The following SRCIN1 variants were observed in gnomAD, a reference collection of about 807,000 sequenced individuals.
The protein encoded by SRCIN1 is P130Cas-associated protein.
SRCIN1 carries 50 observed loss-of-function variants against 116.2 expected under a neutral mutation model. The ratio of observed to expected loss-of-function variants is 0.43; its 90% confidence interval spans 0.34 to 0.54. The LOEUF (loss-of-function observed/expected upper bound fraction) is 0.54. Ranked by LOEUF, SRCIN1 falls within the 20% of genes least tolerant of loss-of-function variation. The probability of loss-of-function intolerance (pLI) is 0.02; values close to 1 mark genes in which losing one functional copy is unlikely to be tolerated. For missense variants in SRCIN1, 1,446 were observed against 1,672.0 expected, an observed-to-expected ratio of 0.86 and a Z score of 2.36; for synonymous variants, 736 against 750.0, an observed-to-expected ratio of 0.98 and a Z score of 0.30.
Position 38,555,486 on chromosome 17 carries a change from T to C in SRCIN1, c.2202-2631A>G, listed in dbSNP as rs1905725073. The stretch of plus-strand genomic sequence containing the variant: ...ACCCAATACTGTTCCATGAGAAAGA[T>C]ATGTTTATTACTTTTGAATTATTAA... On this transcript the variant is annotated intron_variant, in intron 11 of 18. Transcript: ENST00000617146. Among the ~76,000 whole-genome samples the C allele has an allele frequency of 3.3e-5, 5 of 152,362 alleles. No homozygotes were observed. The South Asian group carries it at 1.0e-3, about 32-fold the overall frequency.
chr17:38,556,108 G>A (rs967963087), intron 11 of SRCIN1, among the ~76,000 whole-genome samples: 5 of 152,212 alleles, frequency 3.3e-5, no homozygotes, highest in African/African-American at 4.8e-5. Flanking sequence ...GGCTTTCCAA[G>A]CCCAGGTTTA....
At chr17:38,573,957 C>G (rs1217392344) in intron 2 of SRCIN1, among the ~76,000 whole-genome samples, 1 of 152,232 alleles carries the variant, frequency 6.6e-6, no homozygotes, top group Admixed American at 6.5e-5. Flanking sequence ...GAGTTACACT[C>G]GGCTAAAACA....
Position 38,562,934 on chromosome 17 carries a change from G to A in SRCIN1, c.741-14C>T. The A allele has an allele frequency of 1.9e-6, 3 of 1,601,446 alleles. No individual in the cohort carries two copies. Among genetic ancestry groups the A allele is most frequent in the African/African-American group, 1.3e-5 (1 of 74,766 alleles). On this transcript the variant is annotated splice_polypyrimidine_tract_variant and intron_variant, in intron 5 of 18. Coordinates refer to ENST00000617146, the MANE Select transcript of SRCIN1 (RefSeq NM_025248.3). This position sits in a 1 kb window ranked among gnomAD's most constrained non-coding sequence, Gnocchi z 4.2. ...TCCTGGATGTCCCTGGGAGAGGCGGGGAGACGGGGGTCACCACCCATCCCC... is the reference window on the plus strand; with the variant it reads ...TCCTGGATGTCCCTGGGAGAGGCGGAGAGACGGGGGTCACCACCCATCCCC...
rs190315865 is a variant in SRCIN1 at position 38,568,343 on chromosome 17, G to A, written c.325-112C>T. 3.9e-5 allele frequency: 39 copies of A among 1,012,546 alleles called. No individual in the cohort carries two copies. The highest frequency in any genetic ancestry group is 3.5e-4 in the African/African-American group (22 of 63,020). The allele number at this position is 1,012,546 out of a possible 1,614,324, so 62.7% of individuals were successfully genotyped here. Reference sequence around the variant, plus strand: ...CTCAGCACTCAGCCCTAGGACAAGGGCCCTCCACCCTCCCAGGAGCAGGAA... The same window carrying A: ...CTCAGCACTCAGCCCTAGGACAAGGACCCTCCACCCTCCCAGGAGCAGGAA... On this transcript the variant is annotated intron_variant, in intron 2 of 18. Transcript: ENST00000617146. The surrounding 1 kb of genome is among the most constrained non-coding windows in gnomAD (Gnocchi z 4.5).
chr17:38,572,172 ACC>A lies in SRCIN1; in HGVS notation c.325-3943_325-3942del, dbSNP rs1298235329. On this transcript the variant is annotated intron_variant, in intron 2 of 18. Coordinates refer to ENST00000617146, the MANE Select transcript of SRCIN1 (RefSeq NM_025248.3). The surrounding 1 kb of genome is among the most constrained non-coding windows in gnomAD (Gnocchi z 4.3). ...CTCCTTAATCCCCTGGCTGTGCTGC[ACC>A]GGTGCACACACCCACCTCTCAACTC... is the stretch of plus-strand genomic sequence containing the variant. Among the ~76,000 whole-genome samples the A allele has an allele frequency of 3.7e-3, 568 of 152,240 alleles. No individual in the cohort carries two copies. The highest frequency in any genetic ancestry group is 6.3e-3 in the Non-Finnish European group (431 of 68,000).
chr17:38,605,002 G>A (rs892854021), intron 1 of SRCIN1, among the ~76,000 whole-genome samples: 1 of 151,912 alleles, frequency 6.6e-6, no homozygotes, highest in African/African-American at 2.4e-5. Flanking sequence ...GCGGGGAGCT[G>A]GTCCCCAGTT....
chr17:38,584,358 G>A (rs1038157278), intron 1 of SRCIN1, among the ~76,000 whole-genome samples: 5 of 152,202 alleles, frequency 3.3e-5, no homozygotes, highest in Non-Finnish European at 1.5e-5. Flanking sequence ...TTTTGAGTCC[G>A]AGATTCAAGC....
intron 18 of SRCIN1, among the ~76,000 whole-genome samples, chr17:38,539,784 G>A (rs556462660): frequency 9.3e-4 from 142 of 152,122 alleles, no homozygotes; most frequent in Non-Finnish European, 1.8e-3. Flanking sequence ...ACTTTGGGAG[G>A]CTGAGGCAGG....
At chr17:38,593,816 G>A (rs539036666) in intron 1 of SRCIN1, among the ~76,000 whole-genome samples, 17 of 152,282 alleles carry the variant, frequency 1.1e-4, no homozygotes, top group African/African-American at 3.4e-4. Context: ...ACAGTGAGGG[G>A]CTGACCCCGG....
At chr17:38,601,656 T>G (rs868464130) in intron 1 of SRCIN1, among the ~76,000 whole-genome samples, 1 of 136,092 alleles carries the variant, frequency 7.3e-6, no homozygotes, top group South Asian at 2.3e-4. Context: ...ACACACACGC[T>G]CGCGCGCACA....
chr17:38,560,123 A>G, intron 8 of SRCIN1, 26 bp from the exon 9 acceptor site: 1 of 1,536,418 alleles, frequency 6.5e-7, no homozygotes, highest in Non-Finnish European at 8.8e-7. Context: ...AAAAGCCATC[A>G]GGGGGTCCAG....
chr17:38,567,201 G>A (rs1219625186), intron 3 of SRCIN1, among the ~76,000 whole-genome samples: 2 of 152,192 alleles, frequency 1.3e-5, no homozygotes, highest in Non-Finnish European at 2.9e-5. Flanking sequence ...CAGCACATCC[G>A]GCCTTTTTTC....
At chr17:38,601,662 G>GCACACA (rs71138637) in intron 1 of SRCIN1, among the ~76,000 whole-genome samples, 4 of 149,842 alleles carry the variant, frequency 2.7e-5, no homozygotes, top group Admixed American at 6.6e-5. Context: ...ACGCTCGCGC[G>GCACACA]CACACACACA....
intron 1 of SRCIN1, among the ~76,000 whole-genome samples, chr17:38,584,988 G>A (rs1259146765): frequency 6.6e-6 from 1 of 152,166 alleles, no homozygotes; most frequent in Non-Finnish European, 1.5e-5. Flanking sequence ...CTCAAGATCT[G>A]GAAATCAGGT....
At position 38,549,142 on chromosome 17, in the gene SRCIN1, G is replaced by A. The variant is rs1280191131; in HGVS notation, c.3031C>T (p.Arg1011Trp). 2.5e-6 allele frequency: 4 copies of A among 1,599,498 alleles called. No individual in the cohort carries two copies. The highest frequency in any genetic ancestry group is 2.2e-5 in the South Asian group (2 of 89,894). ...AGGCCATGGGAGGAGGGGAAGCTCC[G>A]GCGGGGAGGGGGCGGTGGGGGCGAC... ...SKSPPPPPPR[R>W]SFPSSHGLTT... Residue 1011 changes from arginine (R) to tryptophan (W), a missense_variant, in exon 16 of 19, where the codon CGG becomes TGG. Physicochemically the swap from Arg to Trp is moderately radical, Grantham distance 101. Transcript: ENST00000617146.
intron 1 of SRCIN1, among the ~76,000 whole-genome samples, chr17:38,583,845 G>A (rs904190293): frequency 6.6e-6 from 1 of 152,136 alleles, no homozygotes; most frequent in African/African-American, 2.4e-5. Context: ...GAGCCACCGC[G>A]CCAGGCCAAA....
Position 38,561,420 on chromosome 17 carries a change from AC to A in SRCIN1, c.1700+42del, listed in dbSNP as rs552688817. 3,597 of 1,453,034 alleles carry A rather than the reference AC, an allele frequency of 2.5e-3. 6 individuals carry two copies. The highest frequency in any genetic ancestry group is 4.0e-3 in the Admixed American group (159 of 40,178). 90.0% of individuals were successfully genotyped at this position (1,453,034 alleles called of 1,614,324 possible). A position where few individuals can be genotyped will look rare whatever the true frequency, so the allele number is the denominator to read the frequency against. On this transcript the variant is annotated intron_variant, in intron 7 of 18. Transcript: ENST00000617146. Reference sequence around the variant, plus strand: ...CTGCTGTGAACCCTCTCCGCAGCGCACCCCCCACCCCCAGTCCCTGAGGCCT... The same window carrying A: ...CTGCTGTGAACCCTCTCCGCAGCGCACCCCCACCCCCAGTCCCTGAGGCCT...
At chr17:38,584,508 G>T (rs979625614) in intron 1 of SRCIN1, among the ~76,000 whole-genome samples, 49 of 152,258 alleles carry the variant, frequency 3.2e-4, no homozygotes, top group African/African-American at 1.1e-3. Context: ...CTGAGGCTGG[G>T]GTGGCCGGGA....
rs936317816 is a variant in SRCIN1 at position 38,572,055 on chromosome 17, A to G, written c.325-3824T>C. On this transcript the variant is annotated intron_variant, in intron 2 of 18. Coordinates refer to ENST00000617146, the MANE Select transcript of SRCIN1 (RefSeq NM_025248.3). The surrounding 1 kb of genome is among the most constrained non-coding windows in gnomAD (Gnocchi z 4.3). The stretch of plus-strand genomic sequence containing the variant: ...TTTCCTCCCCTGGGCAGGCATCCCC[A>G]GCAGGTTCAGTGAGCAAATGACCCC... Among the ~76,000 whole-genome samples the G allele has an allele frequency of 6.6e-6, 1 of 151,960 alleles. No individual in the cohort carries two copies. The highest frequency in any genetic ancestry group is 1.5e-5 in the Non-Finnish European group (1 of 67,976).
Sources: gnomAD v4.1 joint callset for allele counts (sites outside exome capture counted in the v4.1 genomes callset) on GRCh38, gnomAD v4.1.1 for gene constraint, Gnocchi (gnomAD v3.1) non-coding constraint, MANE v1.5 for transcripts, NCBI Gene and HGNC (gene_info 2026-07-23, HGNC 2026-07-21) for gene names.